The following RBPJ variants were observed in gnomAD, a reference collection of about 807,000 sequenced individuals.
RBPJ encodes recombination signal binding protein for immunoglobulin kappa J region, also known as recombining binding protein suppressor of hairless.
Under a neutral mutation model 67.8 loss-of-function variants are expected in RBPJ, and 9 were observed. The ratio of observed to expected loss-of-function variants is 0.13; its 90% CI spans 0.08 to 0.23. RBPJ has a LOEUF of 0.23. RBPJ is among the 10% of genes least tolerant of loss of function. RBPJ has a pLI of 1.00. For missense variants in RBPJ, 305 were observed against 595.6 expected (o/e 0.51, Z 5.08); for synonymous variants, 198 against 203.3 (o/e 0.97, Z 0.22).
intron 1 of RBPJ, among the ~76,000 whole-genome samples, chr4:26,242,142 G>A (rs565071328): frequency 4.6e-5 from 7 of 152,232 alleles, no homozygotes; most frequent in Non-Finnish European, 1.0e-4. Flanking sequence ...AGAGTTCAGT[G>A]CAGAGGTTCT....
chr4:26,291,642 T>C (rs927625659), intron 1 of RBPJ, among the ~76,000 whole-genome samples: 4 of 149,964 alleles, frequency 2.7e-5, no homozygotes, highest in Admixed American at 6.6e-5. Context: ...AGTGGCACAG[T>C]CCCTGCTCAC....
intron 1 of RBPJ, among the ~76,000 whole-genome samples, chr4:26,270,434 AAAG>A (rs750311444): frequency 0.015 from 947 of 62,074 alleles, 90 homozygotes; most frequent in East Asian, 0.035. Context: ...AGAAAGAAAG[AAAG>A]AAGAAAGAAA....
intron 1 of RBPJ, among the ~76,000 whole-genome samples, chr4:26,348,785 C>A (rs959425515): frequency 6.6e-6 from 1 of 151,838 alleles, no homozygotes; most frequent in Non-Finnish European, 1.5e-5. Context: ...CTCACTGCAG[C>A]CTTGAACTCC....
At chr4:26,299,879 C>A (rs750071817) in intron 1 of RBPJ, among the ~76,000 whole-genome samples, 4 of 151,584 alleles carry the variant, frequency 2.6e-5, no homozygotes, top group African/African-American at 7.3e-5. Flanking sequence ...TTAGTAGAGA[C>A]GGAGATTCAC....
In RBPJ at chr4:26,432,516, T is replaced by C. The variant is rs1736327911; in HGVS notation, c.*1509T>C. 5 of 152,238 alleles carry C rather than the reference T, an allele frequency of 3.3e-5. No homozygotes were observed. The South Asian group carries it at 1.0e-3, about 32-fold the overall frequency. The allele number at this position is 152,238 out of a possible 1,614,324, so 9.4% of individuals were successfully genotyped here. On this transcript the variant is annotated 3_prime_UTR_variant, in exon 11 of 11. Transcript: ENST00000355476. ...GTTGAGATTTGGTTGCATTCAGGGT[T>C]GTAGGTTGGCCTTGCTTGCTAACCC...
chr4:26,393,753 C>A (rs1051650723), intron 2 of RBPJ, among the ~76,000 whole-genome samples: 2 of 151,430 alleles, frequency 1.3e-5, no homozygotes, highest in Non-Finnish European at 1.5e-5. Context: ...ATTTTAGTAT[C>A]TTTTATTTTA....
At chr4:26,363,179 G>A (rs1012378137) in intron 1 of RBPJ, among the ~76,000 whole-genome samples, 67 of 151,900 alleles carry the variant, frequency 4.4e-4, no homozygotes, top group African/African-American at 1.1e-3. Context: ...TTGCTCTGTC[G>A]TCTGAGCTGG....
the RBPJ span, among the ~76,000 whole-genome samples, chr4:26,136,925 C>T: frequency 6.6e-6 from 1 of 152,102 alleles, no homozygotes; most frequent in African/African-American, 2.4e-5. Context: ...CTGCTGATCC[C>T]AAAACTTGCC....
intron 1 of RBPJ, among the ~76,000 whole-genome samples, chr4:26,173,424 C>T (rs969364579): frequency 6.6e-6 from 1 of 152,228 alleles, no homozygotes; most frequent in African/African-American, 2.4e-5. Flanking sequence ...GCATGAGCCA[C>T]TGCGCCCGGC....
intron 2 of RBPJ, among the ~76,000 whole-genome samples, chr4:26,395,516 T>A (rs1732031915): frequency 6.6e-6 from 1 of 152,324 alleles, no homozygotes; most frequent in East Asian, 1.9e-4. Flanking sequence ...GTGGTTTGGA[T>A]ATTTGGACCC....
At chr4:26,219,561 C>G (rs576064259) in intron 1 of RBPJ, among the ~76,000 whole-genome samples, 155 of 152,240 alleles carry the variant, frequency 1.0e-3, no homozygotes, top group Non-Finnish European at 1.9e-3. Flanking sequence ...AGTCGAGCAT[C>G]CGAAGTCCCT....
chr4:26,241,005 T>C (rs895092152), intron 1 of RBPJ, among the ~76,000 whole-genome samples: 3 of 151,992 alleles, frequency 2.0e-5, no homozygotes, highest in Admixed American at 1.3e-4. Context: ...GTTGTGAAGT[T>C]GAAGCCTGAG....
intron 2 of RBPJ, among the ~76,000 whole-genome samples, chr4:26,397,913 G>T (rs942559099): frequency 1.3e-5 from 2 of 152,208 alleles, no homozygotes; most frequent in African/African-American, 4.8e-5. Flanking sequence ...GATTACAGGC[G>T]TGAGCCACCT....
chr4:26,178,448 A>T (rs971264633), intron 1 of RBPJ, among the ~76,000 whole-genome samples: 9 of 151,954 alleles, frequency 5.9e-5, no homozygotes, highest in East Asian at 3.9e-4. Flanking sequence ...CTGTACAAAA[A>T]TTTTTTTTAA....
At chr4:26,374,648 G>T (rs544137427) in intron 1 of RBPJ, among the ~76,000 whole-genome samples, 2 of 151,888 alleles carry the variant, frequency 1.3e-5, no homozygotes, top group Non-Finnish European at 2.9e-5. Flanking sequence ...GCTAATTTTT[G>T]TATTTTTAGT....
At chr4:26,125,721 C>A in the RBPJ span, among the ~76,000 whole-genome samples, 2 of 151,958 alleles carry the variant, frequency 1.3e-5, no homozygotes, top group Non-Finnish European at 2.9e-5. Context: ...ATCGCTTAGA[C>A]CTGGGAGGTG....
chr4:26,220,320 A>G (rs1022671351), intron 1 of RBPJ, among the ~76,000 whole-genome samples: 1 of 152,190 alleles, frequency 6.6e-6, no homozygotes, highest in Admixed American at 6.5e-5. Flanking sequence ...ATTGCACCTC[A>G]AAAAGCTATT....
chr4:26,241,923 T>G (rs557583290), intron 1 of RBPJ, among the ~76,000 whole-genome samples: 1 of 152,338 alleles, frequency 6.6e-6, no homozygotes, highest in Non-Finnish European at 1.5e-5. Context: ...TTTCACTGAT[T>G]AATGCTACCA....
intron 1 of RBPJ, among the ~76,000 whole-genome samples, chr4:26,380,411 A>G (rs1249043531): frequency 1.3e-5 from 2 of 152,166 alleles, no homozygotes; most frequent in African/African-American, 2.4e-5. Flanking sequence ...GCTTAATACT[A>G]TTTGGTGAAT....
Sources: gnomAD v4.1 joint callset for allele counts (sites outside exome capture counted in the v4.1 genomes callset) on GRCh38, gnomAD v4.1.1 for gene constraint, MANE v1.5 for transcripts, NCBI Gene and HGNC (gene_info 2026-07-23, HGNC 2026-07-21) for gene names.